The following TINAG variants were observed in gnomAD, a reference collection of about 807,000 sequenced individuals.
TINAG encodes tubulointerstitial nephritis antigen.
A neutral mutation model predicts 72.7 loss-of-function variants in TINAG; 83 were observed. The ratio of observed to expected loss-of-function variants is 1.14; its 90% CI spans 0.96 to 1.37. The LOEUF is 1.37. TINAG is among the 40% of genes most tolerant of loss of function. The pLI is 0.00. For missense variants in TINAG, 685 were observed against 576.6 expected, an observed-to-expected ratio of 1.19 and a Z score of -1.93; for synonymous variants, 234 against 189.9, an observed-to-expected ratio of 1.23 and a Z score of -1.91.
At chr6:54,361,175 C>T (rs796986796) in intron 9 of TINAG, among the ~76,000 whole-genome samples, 27 of 151,294 alleles carry the variant, frequency 1.8e-4, no homozygotes, top group African/African-American at 6.5e-4. Flanking sequence ...TTTCCTTAGG[C>T]CTATCTATTC....
intron 5 of TINAG, among the ~76,000 whole-genome samples, chr6:54,345,345 G>A (rs891735089): frequency 6.6e-6 from 1 of 152,064 alleles, no homozygotes; most frequent in Non-Finnish European, 1.5e-5. Flanking sequence ...TTATCCTTCA[G>A]TTGAAATCTA....
At chr6:54,324,014 C>T (rs1454624860) in intron 3 of TINAG, among the ~76,000 whole-genome samples, 1 of 151,910 alleles carries the variant, frequency 6.6e-6, no homozygotes, top group Non-Finnish European at 1.5e-5. Context: ...AGTTGAGGAG[C>T]CAACACTATC....
chr6:54,361,611 T>A (rs1192206711), intron 9 of TINAG, among the ~76,000 whole-genome samples: 1 of 151,626 alleles, frequency 6.6e-6, no homozygotes. Context: ...GAGATTTAGG[T>A]GGGGACACAG....
intron 10 of TINAG, among the ~76,000 whole-genome samples, chr6:54,385,876 A>G (rs1054346334): frequency 3.0e-5 from 4 of 131,658 alleles, no homozygotes; most frequent in Non-Finnish European, 6.3e-5. Context: ...AAAAAAAAAC[A>G]TGATTTTTTT....
intron 9 of TINAG, among the ~76,000 whole-genome samples, chr6:54,378,669 C>A (rs970193439): frequency 2.6e-5 from 4 of 152,070 alleles, no homozygotes; most frequent in Non-Finnish European, 5.9e-5. Flanking sequence ...TTCAGTAATA[C>A]TAAAATAATA....
intron 3 of TINAG, 148 bp downstream of exon 3, chr6:54,321,534 G>C (rs929035161): frequency 3.3e-6 from 2 of 612,940 alleles, no homozygotes; most frequent in South Asian, 2.0e-5. Context: ...TGTAAACCTG[G>C]AATGCAAAGG....
At chr6:54,381,117 A>G (rs1763934869) in intron 10 of TINAG, among the ~76,000 whole-genome samples, 1 of 149,552 alleles carries the variant, frequency 6.7e-6, no homozygotes, top group African/African-American at 2.4e-5. Context: ...TGTATATGTA[A>G]CCTACAGGAT....
At chr6:54,356,199 ACT>A (rs948491656) in intron 9 of TINAG, among the ~76,000 whole-genome samples, 57 of 151,968 alleles carry the variant, frequency 3.8e-4, no homozygotes, top group African/African-American at 1.3e-3. Context: ...ATGAAGATAC[ACT>A]CTCTACTAAA....
intron 5 of TINAG, among the ~76,000 whole-genome samples, chr6:54,343,652 T>A (rs771652845): frequency 6.6e-6 from 1 of 151,792 alleles, no homozygotes; most frequent in Non-Finnish European, 1.5e-5. Context: ...TAAAAAAGGA[T>A]TAAGGTTCTT....
chr6:54,335,718 C>T (rs966641647), intron 4 of TINAG, among the ~76,000 whole-genome samples: 1 of 152,168 alleles, frequency 6.6e-6, no homozygotes, highest in African/African-American at 2.4e-5. Context: ...ATCAAACTGC[C>T]TCCAACTACA....
At chr6:54,384,890 C>G (rs1053389874) in intron 10 of TINAG, among the ~76,000 whole-genome samples, 1 of 152,072 alleles carries the variant, frequency 6.6e-6, no homozygotes, top group Non-Finnish European at 1.5e-5. Context: ...TATACATTCT[C>G]TTTAAGTGCA....
intron 5 of TINAG, among the ~76,000 whole-genome samples, chr6:54,343,950 A>G (rs555264519): frequency 6.6e-6 from 1 of 152,192 alleles, no homozygotes; most frequent in Non-Finnish European, 1.5e-5. Flanking sequence ...TGACTCTTTT[A>G]TAGTTACTTT....
At chr6:54,385,070 T>C (rs9474828) in intron 10 of TINAG, among the ~76,000 whole-genome samples, 2,183 of 152,144 alleles carry the variant, frequency 0.014, 52 homozygotes, top group African/African-American at 0.05. Flanking sequence ...AAGGTTAAAA[T>C]TGATTCATGT....
chr6:54,384,284 G>A (rs62412614), intron 10 of TINAG, among the ~76,000 whole-genome samples: 22,512 of 151,894 alleles, frequency 0.15, 1,879 homozygotes, highest in Non-Finnish European at 0.18. Context: ...GAAAACCACC[G>A]TGGCATGTGT....
At position 54,384,387 on chromosome 6, in the gene TINAG, T is replaced by C. The variant is rs112004843; in HGVS notation, c.1296+3816T>C. 8.5e-5 allele frequency among the ~76,000 whole-genome samples: 13 copies of C among 152,086 alleles called. 1 individual carries two copies. Among genetic ancestry groups the C allele is most frequent in the African/African-American group, 3.1e-4 (13 of 41,514 alleles). On this transcript the variant is annotated intron_variant, in intron 10 of 10. Transcript: ENST00000259782. ...GTTCCTGAATTCATGAATGCAAACA[T>C]TGCAAGAAAATCACACTCAAACTTT...
chr6:54,348,422 A>T (rs763196332), intron 6 of TINAG, among the ~76,000 whole-genome samples: 1 of 151,976 alleles, frequency 6.6e-6, no homozygotes, highest in Non-Finnish European at 1.5e-5. Context: ...ACCTGACTAA[A>T]TCTCATTGTA....
chr6:54,371,410 C>T (rs868628595), intron 9 of TINAG, among the ~76,000 whole-genome samples: 10 of 151,760 alleles, frequency 6.6e-5, no homozygotes, highest in African/African-American at 2.2e-4. Flanking sequence ...TCACTTTATA[C>T]TTTCTTTAGT....
Position 54,343,158 on chromosome 6 carries a change from G to A in TINAG, c.625-68G>A, listed in dbSNP as rs963480656. The A allele has an allele frequency of 3.0e-6, 4 of 1,321,512 alleles. No individual in the cohort carries two copies. The South Asian group carries it at 8.3e-5, about 27-fold the overall frequency. The allele number at this position is 1,321,512 out of a possible 1,614,324, so 81.9% of individuals were successfully genotyped here. A position where few individuals can be genotyped will look rare whatever the true frequency, so the allele number is the denominator to read the frequency against. ...AAAAATAATTATAACTTTATAAAAG[G>A]GCGTGACATTTTCCTATTGAGACAT... On this transcript the variant is annotated intron_variant, in intron 4 of 10. Coordinates refer to ENST00000259782, the MANE Select transcript of TINAG (RefSeq NM_014464.4).
chr6:54,362,234 G>T (rs1763260278), intron 9 of TINAG, among the ~76,000 whole-genome samples: 1 of 151,674 alleles, frequency 6.6e-6, no homozygotes, highest in Non-Finnish European at 1.5e-5. Context: ...AGACATCAGT[G>T]CCTGATATCA....
Sources: allele counts gnomAD v4.1 joint callset (sites outside exome capture counted in the v4.1 genomes callset), GRCh38; gene constraint gnomAD v4.1.1; transcripts MANE v1.5; gene names NCBI Gene and HGNC (gene_info 2026-07-23, HGNC 2026-07-21).